SMARCAD1: variants seen among roughly 807,000 people sequenced by gnomAD.
SMARCAD1 encodes SWI/SNF-related matrix-associated actin-dependent regulator of chromatin subfamily A containing DEAD/H box 1.
Under a neutral mutation model 127.1 loss-of-function variants are expected in SMARCAD1, and 25 were observed. That is an observed-to-expected ratio of 0.20 (90% confidence interval 0.14 to 0.27). SMARCAD1 has a LOEUF of 0.27. Among genes scored for constraint, SMARCAD1 ranks in the 10% least tolerant of loss-of-function variants. The pLI, the probability that SMARCAD1 is intolerant of heterozygous loss-of-function variation, is 1.00. For missense variants in SMARCAD1, 807 were observed against 1,206.0 expected, an observed-to-expected ratio of 0.67 and a Z score of 4.90; for synonymous variants, 400 against 396.9, an observed-to-expected ratio of 1.01 and a Z score of -0.09.
chr4:94,274,157 C>T (rs1044577350), intron 12 of SMARCAD1, among the ~76,000 whole-genome samples: 6 of 152,100 alleles, frequency 3.9e-5, no homozygotes, highest in African/African-American at 1.4e-4. Flanking sequence ...ACCCCCTTCT[C>T]TTTAAATTGG....
chr4:94,265,638 A>G (rs1579275876), intron 10 of SMARCAD1, among the ~76,000 whole-genome samples: 1 of 151,832 alleles, frequency 6.6e-6, no homozygotes, highest in South Asian at 2.1e-4. Context: ...AAAAGTTTGT[A>G]TATTTTTAAG....
chr4:94,277,003 A>G lies in SMARCAD1; in HGVS notation c.1945-19A>G. On this transcript the variant is annotated intron_variant, in intron 15 of 23. Coordinates refer to ENST00000354268, the MANE Select transcript of SMARCAD1 (RefSeq NM_020159.5). ...GCTCTTTAAGAAAAAGCTAATATAA[A>G]TTTTACCTTCATTCACAGGCAAATA... 6.2e-7 allele frequency: 1 copy of G among 1,613,830 alleles called. No homozygotes were observed. Among genetic ancestry groups the G allele is most frequent in the Non-Finnish European group, 8.5e-7 (1 of 1,179,924 alleles).
intron 2 of SMARCAD1, among the ~76,000 whole-genome samples, chr4:94,219,797 A>G (rs1003019114): frequency 1.3e-5 from 2 of 152,228 alleles, no homozygotes; most frequent in Admixed American, 1.3e-4. Context: ...TATGCTTATA[A>G]CATAGTTACT....
At chr4:94,276,049 G>C (rs561977302) in intron 14 of SMARCAD1, among the ~76,000 whole-genome samples, 1 of 151,898 alleles carries the variant, frequency 6.6e-6, no homozygotes, top group Non-Finnish European at 1.5e-5. Context: ...CGCCCGCCTC[G>C]GCCTCCAAAA....
At chr4:94,256,836 T>TA (rs34976740) in intron 9 of SMARCAD1, among the ~76,000 whole-genome samples, 60,266 of 152,002 alleles carry the variant, frequency 0.4, 12,644 homozygotes, top group East Asian at 0.72. Flanking sequence ...AAGTTTGTAT[T>TA]AAAAAAATCT....
chr4:94,247,930 A>C (rs1334790872), intron 6 of SMARCAD1, among the ~76,000 whole-genome samples: 1 of 152,172 alleles, frequency 6.6e-6, no homozygotes, highest in African/African-American at 2.4e-5. Flanking sequence ...TGAAGTATGA[A>C]TGAATCTGTC....
At chr4:94,213,657 A>G (rs1376042293) in intron 2 of SMARCAD1, among the ~76,000 whole-genome samples, 1 of 152,152 alleles carries the variant, frequency 6.6e-6, no homozygotes, top group Non-Finnish European at 1.5e-5. Flanking sequence ...GGAGTTGTAA[A>G]TGATACGCAT....
chr4:94,260,022 C>A (rs979850245), intron 9 of SMARCAD1, among the ~76,000 whole-genome samples: 11 of 151,988 alleles, frequency 7.2e-5, no homozygotes, highest in Non-Finnish European at 1.5e-4. Flanking sequence ...TCTGTAGATT[C>A]CTCATCCCTC....
At chr4:94,283,039 T>C in intron 21 of SMARCAD1, 82 bp from the exon 22 acceptor site, 2 of 1,216,778 alleles carry the variant, frequency 1.6e-6, no homozygotes, top group East Asian at 5.0e-5. Context: ...GGTTTCTTTT[T>C]CATGTGATAA....
chr4:94,250,566 A>G (rs983282320), intron 7 of SMARCAD1, among the ~76,000 whole-genome samples, 186 bp from the exon 8 acceptor site: 3 of 152,148 alleles, frequency 2.0e-5, no homozygotes, highest in Admixed American at 1.3e-4. Context: ...TTTGAAGACT[A>G]TTGTGTATTT....
chr4:94,239,651 C>T (rs1415035815), intron 5 of SMARCAD1, among the ~76,000 whole-genome samples: 6 of 151,332 alleles, frequency 4.0e-5, no homozygotes, highest in Admixed American at 6.6e-5. Flanking sequence ...CAGCTCACTA[C>T]GACCTCTGCC....
rs1278039522 is a variant in SMARCAD1 at position 94,279,167 on chromosome 4, T to G, written c.2418+117T>G. 8 of 1,185,060 alleles carry G rather than the reference T, an allele frequency of 6.8e-6. No individual in the cohort carries two copies. In the East Asian group the frequency reaches 2.2e-4, roughly 33 times the overall value. 73.4% of individuals were successfully genotyped at this position (1,185,060 alleles called of 1,614,324 possible). On this transcript the variant is annotated intron_variant, in intron 19 of 23. Transcript: ENST00000354268. ...CTTTAACTACATATTTAAGAAAAAC[T>G]TTTTTTTTTCAGACCAGGTCTGGTT... is the stretch of plus-strand genomic sequence containing the variant.
chr4:94,231,019 G>T (rs908635771), intron 3 of SMARCAD1, among the ~76,000 whole-genome samples: 17 of 152,308 alleles, frequency 1.1e-4, no homozygotes, highest in East Asian at 1.9e-4. Context: ...CCATTCAGCA[G>T]TTTAAAAGAC....
intron 3 of SMARCAD1, among the ~76,000 whole-genome samples, chr4:94,228,485 T>C (rs1052351996): frequency 6.6e-6 from 1 of 152,180 alleles, no homozygotes; most frequent in Non-Finnish European, 1.5e-5. Context: ...AGTACTATTA[T>C]CTAATATACT....
chr4:94,273,247 C>T (rs1249756569), intron 11 of SMARCAD1, among the ~76,000 whole-genome samples: 1 of 152,206 alleles, frequency 6.6e-6, no homozygotes, highest in Non-Finnish European at 1.5e-5. Flanking sequence ...GCATATGTTT[C>T]CTCCATTTAG....
At chr4:94,264,981 G>T in intron 10 of SMARCAD1, 75 bp downstream of exon 10, 1 of 1,435,180 alleles carries the variant, frequency 7.0e-7, no homozygotes, top group South Asian at 1.2e-5. Context: ...TCTGTATCGT[G>T]CCTAGAAAGT....
At chr4:94,255,162 T>C (rs1749874275) in intron 9 of SMARCAD1, among the ~76,000 whole-genome samples, 1 of 152,096 alleles carries the variant, frequency 6.6e-6, no homozygotes, top group Non-Finnish European at 1.5e-5. Context: ...CTCAGTCATA[T>C]TTTAATGAAA....
intron 3 of SMARCAD1, among the ~76,000 whole-genome samples, chr4:94,229,663 T>A (rs965349078): frequency 1.1e-4 from 16 of 152,092 alleles, no homozygotes; most frequent in African/African-American, 3.6e-4. Context: ...TATAGAAACT[T>A]CTTCTGTGTT....
At chr4:94,288,658 GGGA>G (rs753776152) in intron 23 of SMARCAD1, among the ~76,000 whole-genome samples, 1 of 152,056 alleles carries the variant, frequency 6.6e-6, no homozygotes, top group Non-Finnish European at 1.5e-5. Flanking sequence ...TGTGAGAGAG[GGGA>G]GGAGGAGAGA....
Sources: allele counts gnomAD v4.1 joint callset (sites outside exome capture counted in the v4.1 genomes callset), GRCh38; gene constraint gnomAD v4.1.1; transcripts MANE v1.5; gene names NCBI Gene and HGNC (gene_info 2026-07-23, HGNC 2026-07-21).